The following LRP1B variants were observed in gnomAD, a reference collection of about 807,000 sequenced individuals.
The protein encoded by LRP1B is low-density lipoprotein receptor-related protein 1B.
A neutral mutation model predicts 556.6 loss-of-function variants in LRP1B; 217 were observed. The observed-to-expected ratio is 0.39, with a 90% CI of 0.35 to 0.44. The LOEUF (loss-of-function observed/expected upper bound fraction) is 0.44. Ranked by LOEUF, LRP1B falls within the 20% of genes least tolerant of loss-of-function variation. The probability of loss-of-function intolerance (pLI) is 1.00; values close to 1 mark genes in which losing one functional copy is unlikely to be tolerated. For synonymous variants in LRP1B, 2,047 were observed against 1,865.8 expected, an observed-to-expected ratio of 1.10 and a Z score of -2.50; for missense variants, 5,053 against 5,620.8, an observed-to-expected ratio of 0.90 and a Z score of 3.23.
intron 27 of LRP1B, among the ~76,000 whole-genome samples, chr2:140,858,501 G>GGAGAGAGAGAGAGAGAGA (rs35791983): frequency 7.1e-6 from 1 of 139,934 alleles, no homozygotes; most frequent in Admixed American, 7.4e-5. Flanking sequence ...TTATATATAT[G>GGAGAGAGAGAGAGAGAGA]GAGAGAGAGA....
chr2:140,629,060 A>C (rs560951745), intron 41 of LRP1B, among the ~76,000 whole-genome samples: 3 of 151,168 alleles, frequency 2.0e-5, no homozygotes, highest in Middle Eastern at 3.2e-3. Flanking sequence ...GTTCTTTTTT[A>C]TTTTTTATTT....
intron 1 of LRP1B, among the ~76,000 whole-genome samples, chr2:141,947,650 T>C (rs1700990513): frequency 6.6e-6 from 1 of 152,028 alleles, no homozygotes; most frequent in Admixed American, 6.6e-5. Flanking sequence ...CATACTTAAT[T>C]CTCTTTAAGT....
At chr2:141,498,208 A>G (rs1376762966) in intron 2 of LRP1B, among the ~76,000 whole-genome samples, 1 of 151,996 alleles carries the variant, frequency 6.6e-6, no homozygotes, top group Non-Finnish European at 1.5e-5. Context: ...GTGGAGTAAT[A>G]CACATTTTTA....
At chr2:140,924,743 T>G (rs1051579083) in intron 20 of LRP1B, among the ~76,000 whole-genome samples, 3 of 152,160 alleles carry the variant, frequency 2.0e-5, no homozygotes, top group African/African-American at 7.2e-5. Flanking sequence ...TCTAGCTATC[T>G]AATTCATTCT....
At chr2:141,988,945 C>T (rs1157972913) in intron 1 of LRP1B, among the ~76,000 whole-genome samples, 1 of 151,920 alleles carries the variant, frequency 6.6e-6, no homozygotes, top group African/African-American at 2.4e-5. Flanking sequence ...CTACTAGAAT[C>T]CTTAAAGAGA....
chr2:141,042,369 C>T (rs1406778175), intron 11 of LRP1B, among the ~76,000 whole-genome samples: 1 of 152,026 alleles, frequency 6.6e-6, no homozygotes, highest in Non-Finnish European at 1.5e-5. Context: ...CAGGTGTCAC[C>T]TTTGGGTTAC....
intron 2 of LRP1B, among the ~76,000 whole-genome samples, chr2:141,629,558 G>A (rs1449821679): frequency 6.6e-6 from 1 of 152,088 alleles, no homozygotes; most frequent in South Asian, 2.1e-4. Flanking sequence ...ACAATAAAAA[G>A]ATATAAAATT....
intron 1 of LRP1B, among the ~76,000 whole-genome samples, chr2:142,059,293 T>C (rs12105584): frequency 0.6 from 91,418 of 151,906 alleles, 28,832 homozygotes; most frequent in East Asian, 0.69. Context: ...AATTTTTTGG[T>C]ATGGAAATTA....
At chr2:140,264,182 A>G (rs1682079700) in intron 86 of LRP1B, among the ~76,000 whole-genome samples, 1 of 152,074 alleles carries the variant, frequency 6.6e-6, no homozygotes, top group African/African-American at 2.4e-5. Flanking sequence ...CACCAGTCAG[A>G]TTGGATTCGG....
rs1682670785 is a variant in LRP1B at position 140,364,662 on chromosome 2, A to G, written c.11130T>C (p.Cys3710=). 5.0e-6 allele frequency: 8 copies of G among 1,609,364 alleles called. No individual in the cohort carries two copies. The highest frequency in any genetic ancestry group is 6.8e-6 in the Non-Finnish European group (8 of 1,177,116). The part of the protein sequence containing the change: ...GDNSDEAPDM[C]VKFLCPSTRP... ...CTAGAGCCACGTGAAATGCCATACC[A>G]CACATATCAGGGGCTTCATCAGAGT... The change falls in exon 72 of 91, where the codon TGT becomes TGC. Residue 3710 remains cysteine, a splice_region_variant and synonymous_variant. Transcript: ENST00000389484.
At chr2:141,894,462 G>A (rs1558945496) in intron 1 of LRP1B, among the ~76,000 whole-genome samples, 1 of 151,188 alleles carries the variant, frequency 6.6e-6, no homozygotes, top group Non-Finnish European at 1.5e-5. Context: ...AATAAATATT[G>A]CTTTATTTAA....
At chr2:141,441,492 A>T (rs896630621) in intron 3 of LRP1B, among the ~76,000 whole-genome samples, 2 of 152,232 alleles carry the variant, frequency 1.3e-5, no homozygotes, top group Admixed American at 1.3e-4. Flanking sequence ...TAGACCAACT[A>T]ATCAGAGTCC....
chr2:141,424,598 TATTA>T (rs1311229406), intron 3 of LRP1B, among the ~76,000 whole-genome samples: 2 of 152,232 alleles, frequency 1.3e-5, no homozygotes, highest in Non-Finnish European at 1.5e-5. Context: ...ATGCTTTATG[TATTA>T]ATTACTTTGT....
chr2:140,784,107 T>G (rs1689800779), intron 32 of LRP1B, among the ~76,000 whole-genome samples: 2 of 152,070 alleles, frequency 1.3e-5, no homozygotes, highest in Admixed American at 6.6e-5. Flanking sequence ...TTTAAAAATG[T>G]CTGGGTGCCA....
At chr2:141,774,247 CA>C (rs773318447) in intron 2 of LRP1B, among the ~76,000 whole-genome samples, 4 of 152,118 alleles carry the variant, frequency 2.6e-5, no homozygotes, top group Non-Finnish European at 5.9e-5. Context: ...TTTACAAGGA[CA>C]AAAGGTTTAT....
chr2:140,536,716 G>GAAA lies in LRP1B; in HGVS notation c.7514-10_7514-8dup. On this transcript the variant is annotated splice_region_variant and splice_polypyrimidine_tract_variant and intron_variant, in intron 45 of 90. Transcript: ENST00000389484. ...TTGCAGGAGGAATTTTTAGCTGCAAGAAAAAAAAAAAAAGTCAATACTTTT... is the reference window on the plus strand; with the variant it reads ...TTGCAGGAGGAATTTTTAGCTGCAAGAAAAAAAAAAAAAAAAGTCAATACTTTT... 4.1e-5 allele frequency: 51 copies of GAAA among 1,253,478 alleles called. No homozygotes were observed. The highest frequency in any genetic ancestry group is 2.2e-4 in the Middle Eastern group (1 of 4,578). The allele number at this position is 1,253,478 out of a possible 1,614,324, so 77.6% of individuals were successfully genotyped here. A position where few individuals can be genotyped will look rare whatever the true frequency, so the allele number is the denominator to read the frequency against.
chr2:140,455,407 G>A (rs926364139), intron 62 of LRP1B, among the ~76,000 whole-genome samples: 2 of 152,044 alleles, frequency 1.3e-5, no homozygotes, highest in African/African-American at 4.8e-5. Flanking sequence ...TATGTACCAG[G>A]AACTTTTCCC....
intron 2 of LRP1B, among the ~76,000 whole-genome samples, chr2:141,557,215 A>C (rs1286170606): frequency 6.6e-6 from 1 of 151,888 alleles, no homozygotes; most frequent in East Asian, 1.9e-4. Context: ...AAACAAAAAA[A>C]CTCTACCACA....
chr2:140,255,480 T>C (rs574545238), intron 86 of LRP1B, among the ~76,000 whole-genome samples: 2 of 152,338 alleles, frequency 1.3e-5, no homozygotes, highest in African/African-American at 4.8e-5. Context: ...TCTCTACTTA[T>C]ATATGCATTC....
Sources: gnomAD v4.1 joint callset for allele counts (sites outside exome capture counted in the v4.1 genomes callset) on GRCh38, gnomAD v4.1.1 for gene constraint, MANE v1.5 for transcripts, NCBI Gene and HGNC (gene_info 2026-07-23, HGNC 2026-07-21) for gene names.